TFG: variants seen among roughly 807,000 people sequenced by gnomAD.
TFG encodes trafficking from ER to golgi regulator, also known as protein TFG.
In TFG, 22 loss-of-function variants were observed where a neutral mutation model predicts 51.4. The ratio of observed to expected loss-of-function variants is 0.43; its 90% confidence interval spans 0.31 to 0.61. The LOEUF (loss-of-function observed/expected upper bound fraction) is 0.61. Ranked by LOEUF, TFG falls within the 20% of genes least tolerant of loss-of-function variation. TFG has a pLI of 0.12. For missense variants in TFG, 419 were observed against 487.7 expected (o/e 0.86, Z 1.33); for synonymous variants, 187 against 165.6 (o/e 1.13, Z -0.99).
chr3:100,730,197 C>A (rs760197199), intron 4 of TFG, among the ~76,000 whole-genome samples: 1 of 151,978 alleles, frequency 6.6e-6, no homozygotes, highest in Admixed American at 6.6e-5. Flanking sequence ...GAGAATTTAA[C>A]CAGTATAGCC....
rs766374092 is a variant in TFG, at chr3:100,748,181, C to T, written c.853C>T (p.Pro285Ser). 1.2e-6 allele frequency: 2 copies of T among 1,613,968 alleles called. No homozygotes were observed. Among genetic ancestry groups the T allele is most frequent in the Non-Finnish European group, 1.7e-6 (2 of 1,179,978 alleles). The stretch of plus-strand genomic sequence containing the variant: ...TAGTCAGCAGACTGGACCTCAACAA[C>T]CTCAGCAGTTCCAGGGATATGGCCA... ...SYSQQTGPQQ[P>S]QQFQGYGQQP... The change falls in exon 8 of 8, where the codon CCT becomes TCT. Residue 285 changes from proline to serine, a missense_variant. Pro to Ser is a moderately conservative substitution (Grantham distance 74). Transcript: ENST00000240851.
chr3:100,726,119 C>A (rs987866928), intron 3 of TFG, among the ~76,000 whole-genome samples: 2 of 152,136 alleles, frequency 1.3e-5, no homozygotes, highest in Admixed American at 6.5e-5. Context: ...GATAGTGCAG[C>A]CTTTGTCTGT....
In TFG at chr3:100,728,755, T is replaced by C. The variant is rs1489785523; in HGVS notation, c.312T>C (p.Tyr104=). The change falls in exon 4 of 8, where the codon TAT becomes TAC. Residue 104 remains tyrosine, a synonymous_variant. Transcript: ENST00000240851. ...CCCTTGAATCAAGTCAGGTGAAATA[T>C]CTCCGTCGAGAACTGATAGAACTTC... The part of the protein sequence containing the change: ...PRPLESSQVK[Y]LRRELIELRN... 6.2e-7 allele frequency: 1 copy of C among 1,612,644 alleles called. No individual in the cohort carries two copies. The highest frequency in any genetic ancestry group is 1.7e-5 in the Admixed American group (1 of 59,780).
At chr3:100,718,773 G>A (rs969436229) in intron 2 of TFG, among the ~76,000 whole-genome samples, 3 of 151,952 alleles carry the variant, frequency 2.0e-5, no homozygotes, top group African/African-American at 7.3e-5. Context: ...GGCCAGGCTG[G>A]TCTCGAACTC....
At chr3:100,725,315 T>G (rs2095072160) in intron 3 of TFG, among the ~76,000 whole-genome samples, 1 of 152,150 alleles carries the variant, frequency 6.6e-6, no homozygotes, top group Non-Finnish European at 1.5e-5. Context: ...TATAATTATA[T>G]ACAACAAAAG....
intron 4 of TFG, 69 bp downstream of exon 4, chr3:100,728,927 T>C (rs768551069): frequency 2.2e-4 from 309 of 1,393,092 alleles, no homozygotes; most frequent in Non-Finnish European, 2.8e-4. Flanking sequence ...AAAAAACTCT[T>C]TTTAAGTAGG....
rs2095157886 is a variant in TFG, at chr3:100,748,651, T to TA, written c.*121dup. On this transcript the variant is annotated 3_prime_UTR_variant, in exon 8 of 8. Coordinates refer to ENST00000240851, the MANE Select transcript of TFG (RefSeq NM_006070.6). ...TTTAAAAGCAGAGCATTTTTTATGA[T>TA]ATCATTGTTGGTGTTAATTGAAAGT... is the stretch of plus-strand genomic sequence containing the variant. The TA allele has an allele frequency of 2.6e-6, 3 of 1,148,852 alleles. No individual in the cohort carries two copies. In the Admixed American group the frequency reaches 8.8e-5, roughly 34 times the overall value. 71.2% of individuals were successfully genotyped at this position (1,148,852 alleles called of 1,614,324 possible). A position where few individuals can be genotyped will look rare whatever the true frequency, so the allele number is the denominator to read the frequency against.
At chr3:100,741,927 A>G (rs2095122284) in intron 6 of TFG, among the ~76,000 whole-genome samples, 2 of 152,124 alleles carry the variant, frequency 1.3e-5, no homozygotes, top group African/African-American at 4.8e-5. Context: ...ATATACATCT[A>G]GGTTTGTGTA....
chr3:100,724,625 A>G (rs763183981), intron 3 of TFG, among the ~76,000 whole-genome samples: 1 of 152,222 alleles, frequency 6.6e-6, no homozygotes, highest in African/African-American at 2.4e-5. Context: ...TTAATATAAC[A>G]TTAACATGAA....
At chr3:100,733,368 A>G (rs2095097187) in intron 5 of TFG, among the ~76,000 whole-genome samples, 2 of 152,116 alleles carry the variant, frequency 1.3e-5, no homozygotes, top group African/African-American at 4.8e-5. Flanking sequence ...TATGCTGTGG[A>G]ACCTTTCTAG....
chr3:100,728,572 T>TA (rs919245589), intron 3 of TFG, 140 bp from the exon 4 acceptor site: 95 of 563,432 alleles, frequency 1.7e-4, no homozygotes, highest in South Asian at 4.5e-4. Flanking sequence ...TCTTTTTTTT[T>TA]AAAAAAAAAG....
chr3:100,746,605 G>GAGACT (rs1354664607), intron 7 of TFG, among the ~76,000 whole-genome samples: 1 of 151,488 alleles, frequency 6.6e-6, no homozygotes, highest in African/African-American at 2.4e-5. Flanking sequence ...GGACGGAAGG[G>GAGACT]AGACTATATA....
rs371704682 is a variant in TFG, at chr3:100,744,807, TTGTGTG to T, written c.722-12_722-7del. Reference sequence around the variant, plus strand: ...GCCACATTAAACATGCCTTTTTTCCTTGTGTGTGTGTGTGTGTGTTTTCAGGTCAGA... The same window carrying T: ...GCCACATTAAACATGCCTTTTTTCCTTGTGTGTGTGTGTTTTCAGGTCAGA... On this transcript the variant is annotated intron_variant, in intron 6 of 7. Transcript: ENST00000240851. 28 of 1,419,216 alleles carry T rather than the reference TTGTGTG, an allele frequency of 2.0e-5. No individual in the cohort carries two copies. The highest frequency in any genetic ancestry group is 3.7e-5 in the South Asian group (3 of 81,470). 87.9% of individuals were successfully genotyped at this position (1,419,216 alleles called of 1,614,324 possible).
At chr3:100,715,043 T>G (rs1365457626) in intron 2 of TFG, among the ~76,000 whole-genome samples, 3 of 152,220 alleles carry the variant, frequency 2.0e-5, no homozygotes, top group Non-Finnish European at 4.4e-5. Flanking sequence ...CCTCACTGTT[T>G]AGCACTGCTA....
chr3:100,713,655 G>T lies in TFG; in HGVS notation c.-31G>T. On this transcript the variant is annotated 5_prime_UTR_variant, in exon 2 of 8. Coordinates refer to ENST00000240851, the MANE Select transcript of TFG (RefSeq NM_006070.6). Reference sequence around the variant, plus strand: ...CCACTTTTATCAGTCTTTCTCTAGAGTTGTATATATAGAACATCCTGGAGT... The same window carrying T: ...CCACTTTTATCAGTCTTTCTCTAGATTTGTATATATAGAACATCCTGGAGT... 6.8e-7 allele frequency: 1 copy of T among 1,480,206 alleles called. No homozygotes were observed. 91.7% of individuals were successfully genotyped at this position (1,480,206 alleles called of 1,614,324 possible).
At chr3:100,748,128 T>C (rs1256454874) in intron 7 of TFG, 21 bp from the exon 8 acceptor site, 1 of 1,603,742 alleles carries the variant, frequency 6.2e-7, no homozygotes, top group African/African-American at 1.3e-5. Flanking sequence ...AAGATACATG[T>C]TATTTATTTT....
chr3:100,724,389 C>A (rs1387754471), intron 3 of TFG, among the ~76,000 whole-genome samples: 1 of 152,056 alleles, frequency 6.6e-6, no homozygotes, highest in Non-Finnish European at 1.5e-5. Flanking sequence ...TTTATATATA[C>A]CATGAATTCC....
intron 7 of TFG, among the ~76,000 whole-genome samples, chr3:100,747,129 TGAGA>T (rs1370572249): frequency 6.6e-6 from 1 of 152,202 alleles, no homozygotes; most frequent in Non-Finnish European, 1.5e-5. Context: ...TGAATTTGAT[TGAGA>T]GATATGGAAA....
chr3:100,729,365 TAAAG>T (rs2095084988), intron 4 of TFG, among the ~76,000 whole-genome samples: 1 of 152,204 alleles, frequency 6.6e-6, no homozygotes, highest in Admixed American at 6.5e-5. Flanking sequence ...TAATAATAAT[TAAAG>T]AAAAACTAAT....
Sources: allele counts gnomAD v4.1 joint callset (sites outside exome capture counted in the v4.1 genomes callset), GRCh38; gene constraint gnomAD v4.1.1; transcripts MANE v1.5; gene names NCBI Gene and HGNC (gene_info 2026-07-23, HGNC 2026-07-21).